The following GPRC6A variants were observed in gnomAD, a reference collection of about 807,000 sequenced individuals.
The protein encoded by GPRC6A is G protein-coupled receptor class C group 6 member A.
Under a neutral mutation model 47.0 loss-of-function variants are expected in GPRC6A, and 54 were observed. The ratio of observed to expected loss-of-function variants is 1.15; its 90% CI spans 0.92 to 1.44. The LOEUF is 1.44. GPRC6A is among the 40% of genes most tolerant of loss of function. The pLI is 0.00. For synonymous variants in GPRC6A, 347 were observed against 377.1 expected (o/e 0.92, Z 0.93); for missense variants, 1,112 against 1,105.5 (o/e 1.01, Z -0.08).
intron 1 of GPRC6A, among the ~76,000 whole-genome samples, chr6:116,825,289 T>C (rs1015191164): frequency 6.6e-6 from 1 of 152,012 alleles, no homozygotes; most frequent in African/African-American, 2.4e-5. Context: ...ATAGAGGAAG[T>C]CAAATTGTCC....
In GPRC6A at chr6:116,792,661, G is replaced by A. The variant is rs749395661; in HGVS notation, c.2262C>T (p.Thr754=). 29 of 1,613,356 alleles carry A rather than the reference G, an allele frequency of 1.8e-5. No individual in the cohort carries two copies. The highest frequency in any genetic ancestry group is 2.3e-5 in the Non-Finnish European group (27 of 1,179,608). The change falls in exon 6 of 6, where the codon ACC becomes ACT. Residue 754 remains threonine, a synonymous_variant. Transcript: ENST00000310357. ...CCAGGATGGCAATGTAGCCCAGCAT[G>A]GTGCCAAATGCAAGTATGGATCCCT... ...CEEGSILAFG[T]MLGYIAILAF...
Position 116,809,547 on chromosome 6 carries a change from G to A in GPRC6A, c.265C>T (p.Leu89Phe). ...TACCCCAGTTTGACTCCAGGTAAGA[G>A]TGTTGAATTGTTGATCATCTCAATG... ...HSIEMINNST[L>F]LPGVKLGYEI... The change falls in exon 2 of 6, where the codon CTC becomes TTC. Residue 89 changes from leucine (L) to phenylalanine (F), a missense_variant. Transcript: ENST00000310357. 9 of 1,612,368 alleles carry A rather than the reference G, an allele frequency of 5.6e-6. No individual in the cohort carries two copies. The highest frequency in any genetic ancestry group is 7.6e-6 in the Non-Finnish European group (9 of 1,178,546).
intron 1 of GPRC6A, among the ~76,000 whole-genome samples, chr6:116,823,871 G>A (rs1773589845): frequency 6.6e-6 from 1 of 151,898 alleles, no homozygotes; most frequent in African/African-American, 2.4e-5. Flanking sequence ...AAGAGGGAGG[G>A]GATATGCTAC....
At position 116,792,773 on chromosome 6, in the gene GPRC6A, A is replaced by G; in HGVS notation, c.2150T>C (p.Val717Ala). Residue 717 changes from valine (V) to alanine (A), a missense_variant, in exon 6 of 6, where the codon GTC becomes GCC. Val to Ala is a moderately conservative substitution (Grantham distance 64). Transcript: ENST00000310357. ...AAAGATTAGCCAGAGTGTGCAAATGACAACCTGGATGCCCGTGCAAGTGAA... is the reference window on the plus strand; with the variant it reads ...AAAGATTAGCCAGAGTGTGCAAATGGCAACCTGGATGCCCGTGCAAGTGAA... ...IIFTCTGIQV[V>A]ICTLWLIFAA... 2 of 1,614,020 alleles carry G rather than the reference A, an allele frequency of 1.2e-6. No homozygotes were observed. Among genetic ancestry groups the G allele is most frequent in the Non-Finnish European group, 1.7e-6 (2 of 1,179,966 alleles).
intron 1 of GPRC6A, among the ~76,000 whole-genome samples, chr6:116,812,577 A>C (rs1773061591): frequency 6.6e-6 from 1 of 152,240 alleles, no homozygotes; most frequent in Non-Finnish European, 1.5e-5. Context: ...ACAAAGCCTC[A>C]TATGTCAACA....
Position 116,806,392 on chromosome 6 carries a change from G to C in GPRC6A, c.1313C>G (p.Pro438Arg). 6.2e-7 allele frequency: 1 copy of C among 1,610,022 alleles called. No individual in the cohort carries two copies. The highest frequency in any genetic ancestry group is 1.3e-5 in the African/African-American group (1 of 74,902). ...DLCQARDCQNPNAFQPWELLG... is the reference protein window; with the variant it reads ...DLCQARDCQNRNAFQPWELLG... Reference sequence around the variant, plus strand: ...TACCTCCCATGGTTGAAAGGCGTTGGGGTTCTGACAGTCACGAGCTTGACA... The same window carrying C: ...TACCTCCCATGGTTGAAAGGCGTTGCGGTTCTGACAGTCACGAGCTTGACA... The change falls in exon 3 of 6, where the codon CCC (proline) becomes CGC (arginine). Residue 438 changes from proline (P) to arginine (R), a missense_variant. Pro to Arg is a moderately radical substitution (Grantham distance 103, BLOSUM62 -2). Transcript: ENST00000310357.
rs540476648 is a variant in GPRC6A, at chr6:116,817,567, A to G, written c.195-7950T>C. ...ACGAGCTGAGAGAAGAAGGCTTCAGATGATCAAATTACTCTGAGCTATGGG... is the reference window on the plus strand; with the variant it reads ...ACGAGCTGAGAGAAGAAGGCTTCAGGTGATCAAATTACTCTGAGCTATGGG... On this transcript the variant is annotated intron_variant, in intron 1 of 5. Transcript: ENST00000310357. Among the ~76,000 whole-genome samples the G allele has an allele frequency of 8.9e-4, 135 of 152,380 alleles. 1 individual carries two copies. Among genetic ancestry groups the G allele is most frequent in the Non-Finnish European group, 1.5e-3 (102 of 68,040 alleles).
At chr6:116,822,424 C>A (rs1191623611) in intron 1 of GPRC6A, among the ~76,000 whole-genome samples, 1 of 131,260 alleles carries the variant, frequency 7.6e-6, no homozygotes, top group African/African-American at 3.0e-5. Context: ...ATGTTTATTG[C>A]GGCATTATTC....
intron 5 of GPRC6A, 144 bp from the exon 6 acceptor site, chr6:116,793,394 T>A: frequency 4.1e-6 from 2 of 490,700 alleles, no homozygotes; most frequent in Admixed American, 3.9e-5. Context: ...CTTATTAAAA[T>A]AAAACATGCT....
intron 1 of GPRC6A, among the ~76,000 whole-genome samples, chr6:116,825,418 T>C (rs890592922): frequency 5.1e-4 from 78 of 151,766 alleles, no homozygotes; most frequent in African/African-American, 1.9e-3. Flanking sequence ...AGGATTTTTG[T>C]ACACCGGTAG....
At chr6:116,819,909 T>C (rs1490734493) in intron 1 of GPRC6A, among the ~76,000 whole-genome samples, 6 of 149,182 alleles carry the variant, frequency 4.0e-5, no homozygotes, top group Non-Finnish European at 8.9e-5. Context: ...AAAAAATTAA[T>C]GAATCCAGGA....
At position 116,819,255 on chromosome 6, in the gene GPRC6A, A is replaced by G. The variant is rs1270253803; in HGVS notation, c.194+9565T>C. Among the ~76,000 whole-genome samples, 883 of 150,950 alleles carry G rather than the reference A, an allele frequency of 5.8e-3. 6 individuals carry two copies. Among genetic ancestry groups the G allele is most frequent in the Non-Finnish European group, 0.01 (681 of 67,422 alleles). Reference sequence around the variant, plus strand: ...GAGACTTAGACTCCCACACATTAATAATGGGAGACTTTAACACCCCACTGT... The same window carrying G: ...GAGACTTAGACTCCCACACATTAATGATGGGAGACTTTAACACCCCACTGT... On this transcript the variant is annotated intron_variant, in intron 1 of 5. Transcript: ENST00000310357.
At chr6:116,815,212 G>A (rs1408122670) in intron 1 of GPRC6A, among the ~76,000 whole-genome samples, 5 of 152,142 alleles carry the variant, frequency 3.3e-5, no homozygotes, top group Non-Finnish European at 7.4e-5. Flanking sequence ...ACCAGGCATG[G>A]TAGCTCACCC....
At chr6:116,817,198 G>T (rs1773249744) in intron 1 of GPRC6A, among the ~76,000 whole-genome samples, 1 of 152,136 alleles carries the variant, frequency 6.6e-6, no homozygotes, top group South Asian at 2.1e-4. Context: ...CTGAGAATGG[G>T]CAGACTGCCT....
At chr6:116,794,609 G>A (rs1334766641) in intron 5 of GPRC6A, among the ~76,000 whole-genome samples, 1 of 151,986 alleles carries the variant, frequency 6.6e-6, no homozygotes, top group Non-Finnish European at 1.5e-5. Context: ...CATACTCCTT[G>A]GTGTTTTTAT....
At chr6:116,797,672 T>C (rs2114581487) in intron 4 of GPRC6A, among the ~76,000 whole-genome samples, 1 of 152,326 alleles carries the variant, frequency 6.6e-6, no homozygotes, top group Non-Finnish European at 1.5e-5. Flanking sequence ...GTGAATTCCC[T>C]ACAGAGTCTG....
intron 4 of GPRC6A, among the ~76,000 whole-genome samples, chr6:116,796,580 A>G (rs1021537941): frequency 6.6e-6 from 1 of 152,186 alleles, no homozygotes; most frequent in Non-Finnish European, 1.5e-5. Context: ...CTTGGAGCAG[A>G]GCAGAATGGT....
chr6:116,800,516 G>T, intron 4 of GPRC6A, 68 bp downstream of exon 4: 2 of 952,962 alleles, frequency 2.1e-6, no homozygotes, highest in Non-Finnish European at 3.5e-6. Context: ...AAGAGTGGGG[G>T]CCAAGGACTT....
intron 1 of GPRC6A, among the ~76,000 whole-genome samples, chr6:116,815,565 C>T (rs1444748224): frequency 6.6e-6 from 1 of 152,188 alleles, no homozygotes; most frequent in Admixed American, 6.5e-5. Context: ...CTGTAGAATA[C>T]ACATTCTTCT....
Sources: allele counts gnomAD v4.1 joint callset (sites outside exome capture counted in the v4.1 genomes callset), GRCh38; gene constraint gnomAD v4.1.1; transcripts MANE v1.5; gene names NCBI Gene and HGNC (gene_info 2026-07-23, HGNC 2026-07-21).